ANKRD30B: variants seen among roughly 807,000 people sequenced by gnomAD.
The protein encoded by ANKRD30B is ankyrin repeat domain 30B, also known as ankyrin repeat domain-containing protein 30B.
Under a neutral mutation model 202.2 loss-of-function variants are expected in ANKRD30B, and 144 were observed. That is an observed-to-expected ratio of 0.71 (90% CI 0.62 to 0.82). The LOEUF is 0.82. Among genes scored for constraint, ANKRD30B ranks in the 40% least tolerant of loss-of-function variants. The pLI is 0.00. For missense variants in ANKRD30B, 1,487 were observed against 1,669.1 expected (o/e 0.89, Z 1.90); for synonymous variants, 508 against 561.3 (o/e 0.91, Z 1.34).
rs143402459 is a variant in ANKRD30B, at chr18:14,795,200, G to A, written c.1826-1021G>A. Among the ~76,000 whole-genome samples the A allele has an allele frequency of 3.3e-3, 501 of 152,304 alleles. 1 individual carries two copies. Among genetic ancestry groups the A allele is most frequent in the African/African-American group, 0.011 (452 of 41,572 alleles). ...AGTTTTTGATACTTTCATATCAGGTGTTTTTTCTTTTGTTGAGACAGAGTC... is the reference window on the plus strand; with the variant it reads ...AGTTTTTGATACTTTCATATCAGGTATTTTTTCTTTTGTTGAGACAGAGTC... On this transcript the variant is annotated intron_variant, in intron 16 of 43. Transcript: ENST00000690538.
the ANKRD30B span, among the ~76,000 whole-genome samples, chr18:14,907,124 A>G: frequency 6.6e-6 from 1 of 152,086 alleles, no homozygotes; most frequent in Non-Finnish European, 1.5e-5. Context: ...TTCTTATCAG[A>G]CTTATGGTCT....
chr18:14,893,316 A>T, the ANKRD30B span, among the ~76,000 whole-genome samples: 5 of 152,170 alleles, frequency 3.3e-5, no homozygotes, highest in Non-Finnish European at 5.9e-5. Flanking sequence ...TATTTATAGA[A>T]GTGTTAACTA....
At chr18:14,934,775 G>T in the ANKRD30B span, among the ~76,000 whole-genome samples, 12 of 152,128 alleles carry the variant, frequency 7.9e-5, no homozygotes, top group African/African-American at 2.7e-4. Flanking sequence ...GAAACAGAAG[G>T]CATCTGGGAG....
intron 37 of ANKRD30B, among the ~76,000 whole-genome samples, chr18:14,841,301 A>G (rs958161303): frequency 3.9e-5 from 6 of 152,208 alleles, no homozygotes; most frequent in Non-Finnish European, 8.8e-5. Flanking sequence ...ATACCTTGTT[A>G]ACAATGCACG....
the ANKRD30B span, among the ~76,000 whole-genome samples, chr18:14,925,621 G>A: frequency 6.6e-6 from 1 of 152,258 alleles, no homozygotes; most frequent in Non-Finnish European, 1.5e-5. Flanking sequence ...TCTGAGGGAA[G>A]AGTGTATTCG....
chr18:14,871,328 T>A, the ANKRD30B span, among the ~76,000 whole-genome samples: 2 of 148,924 alleles, frequency 1.3e-5, no homozygotes, highest in Non-Finnish European at 3.0e-5. Context: ...CTTGGCAGGT[T>A]GGTCATGGTC....
the ANKRD30B span, chr18:14,915,649 T>C: frequency 6.6e-6 from 1 of 151,994 alleles, no homozygotes; most frequent in Admixed American, 6.5e-5. Context: ...CTCTTGAGAC[T>C]CAAGGGTCAA....
At chr18:14,838,538 C>T (rs1971277462) in intron 36 of ANKRD30B, among the ~76,000 whole-genome samples, 1 of 152,066 alleles carries the variant, frequency 6.6e-6, no homozygotes, top group African/African-American at 2.4e-5. Context: ...AAATAGAACT[C>T]TTTGAGTCCA....
the ANKRD30B span, among the ~76,000 whole-genome samples, chr18:14,941,032 C>T: frequency 6.6e-6 from 1 of 152,126 alleles, no homozygotes; most frequent in Admixed American, 6.5e-5. Context: ...CCAGGAGATT[C>T]CATCCCCAGG....
chr18:14,873,678 A>T, the ANKRD30B span, among the ~76,000 whole-genome samples: 1 of 152,148 alleles, frequency 6.6e-6, no homozygotes, highest in Admixed American at 6.6e-5. Context: ...AATGGAGGTC[A>T]TGGGGATTGA....
At chr18:14,821,014 A>G (rs1273708063) in intron 30 of ANKRD30B, among the ~76,000 whole-genome samples, 2 of 152,078 alleles carry the variant, frequency 1.3e-5, no homozygotes, top group Admixed American at 6.6e-5. Flanking sequence ...TGGTTGGTAA[A>G]CTATTGATTA....
At chr18:14,808,061 C>G (rs1174283220) in intron 24 of ANKRD30B, among the ~76,000 whole-genome samples, 3 of 151,000 alleles carry the variant, frequency 2.0e-5, no homozygotes, top group South Asian at 4.2e-4. Context: ...CTCATCGGAG[C>G]TTTGCAATTC....
intron 26 of ANKRD30B, among the ~76,000 whole-genome samples, chr18:14,809,588 G>C (rs2144051547): frequency 6.6e-6 from 1 of 150,858 alleles, no homozygotes; most frequent in Admixed American, 6.6e-5. Context: ...TCCATTCCCA[G>C]AGCTATGAAC....
chr18:14,868,515 A>G, the ANKRD30B span, among the ~76,000 whole-genome samples: 2 of 152,274 alleles, frequency 1.3e-5, no homozygotes, highest in Non-Finnish European at 2.9e-5. Flanking sequence ...CATGTAAGAT[A>G]AAGGGTGCTT....
the ANKRD30B span, among the ~76,000 whole-genome samples, chr18:14,926,848 G>A: frequency 6.6e-6 from 1 of 152,058 alleles, no homozygotes; most frequent in African/African-American, 2.4e-5. Context: ...GATTTCTTGA[G>A]CCCAGGAGTT....
chr18:14,871,396 G>A, the ANKRD30B span, among the ~76,000 whole-genome samples: 1 of 151,276 alleles, frequency 6.6e-6, no homozygotes, highest in Non-Finnish European at 1.5e-5. Flanking sequence ...AAAGGTCAAG[G>A]AGTGCAGCCT....
intron 15 of ANKRD30B, 21 bp downstream of exon 15, chr18:14,787,121 T>C (rs748149765): frequency 1.3e-6 from 2 of 1,590,328 alleles, no homozygotes; most frequent in African/African-American, 2.7e-5. Flanking sequence ...TTATTGATTT[T>C]TTTAAATATT....
the ANKRD30B span, among the ~76,000 whole-genome samples, chr18:14,861,998 G>A: frequency 6.6e-6 from 1 of 152,158 alleles, no homozygotes; most frequent in African/African-American, 2.4e-5. Flanking sequence ...AACCACAGAG[G>A]TACATGGAAA....
At chr18:14,875,103 G>A in the ANKRD30B span, among the ~76,000 whole-genome samples, 2 of 152,164 alleles carry the variant, frequency 1.3e-5, no homozygotes, top group South Asian at 4.1e-4. Context: ...AGGGGCATGA[G>A]GAATCAATCG....
Sources: allele counts gnomAD v4.1 joint callset (sites outside exome capture counted in the v4.1 genomes callset), GRCh38; gene constraint gnomAD v4.1.1; transcripts MANE v1.5; gene names NCBI Gene and HGNC (gene_info 2026-07-23, HGNC 2026-07-21).